The following CLEC2D variants were observed in gnomAD, a reference collection of about 807,000 sequenced individuals.
CLEC2D encodes the protein C-type lectin related f.
CLEC2D carries 16 observed loss-of-function variants against 20.0 expected under a neutral mutation model. That is an observed-to-expected ratio of 0.80 (90% CI 0.54 to 1.22). The LOEUF is 1.22. Among genes scored for constraint, CLEC2D ranks in the 50% most tolerant of loss-of-function variants. The pLI is 0.00. For synonymous variants in CLEC2D, 77 were observed against 71.1 expected (o/e 1.08, Z -0.42); for missense variants, 207 against 221.5 (o/e 0.93, Z 0.42).
At chr12:9,671,118 A>C (rs1056851532) in intron 1 of CLEC2D, among the ~76,000 whole-genome samples, 2 of 152,108 alleles carry the variant, frequency 1.3e-5, no homozygotes, top group Non-Finnish European at 2.9e-5. Flanking sequence ...CTGCATCTTT[A>C]AGCTCATGTG....
chr12:9,673,128 TGGA>T (rs924162178), intron 1 of CLEC2D, among the ~76,000 whole-genome samples: 4 of 152,246 alleles, frequency 2.6e-5, no homozygotes, highest in Admixed American at 2.0e-4. Context: ...TGCGATCATT[TGGA>T]GGAGAAGAGG....
chr12:9,695,248 A>T lies in CLEC2D; in HGVS notation c.*374A>T. 1.6e-6 allele frequency: 1 copy of T among 639,338 alleles called. No homozygotes were observed. The highest frequency in any genetic ancestry group is 4.3e-4 in the Middle Eastern group (1 of 2,350). 39.6% of individuals were successfully genotyped at this position (639,338 alleles called of 1,614,324 possible). Reference sequence around the variant, plus strand: ...CTTGTGCACAGGAACTCCTATTTATACAACCATCAGATATCTTGAGACAAG... The same window carrying T: ...CTTGTGCACAGGAACTCCTATTTATTCAACCATCAGATATCTTGAGACAAG... On this transcript the variant is annotated 3_prime_UTR_variant, in exon 5 of 5. Transcript: ENST00000290855.
intron 2 of CLEC2D, among the ~76,000 whole-genome samples, chr12:9,682,820 A>T (rs1197774073): frequency 6.6e-6 from 1 of 152,242 alleles, no homozygotes; most frequent in Non-Finnish European, 1.5e-5. Flanking sequence ...ATAGTGCCAC[A>T]ATAAACATAC....
chr12:9,674,269 T>C (rs1398210388), intron 1 of CLEC2D: 1 of 152,224 alleles, frequency 6.6e-6, no homozygotes, highest in East Asian at 1.9e-4. Context: ...TCTTCTGATC[T>C]GCAGATTGCA....
At chr12:9,673,235 T>C (rs1280874874) in intron 1 of CLEC2D, among the ~76,000 whole-genome samples, 1 of 152,238 alleles carries the variant, frequency 6.6e-6, no homozygotes, top group Non-Finnish European at 1.5e-5. Flanking sequence ...TGATGACCTT[T>C]GAATGGGGTT....
rs753515817 is a variant in CLEC2D at position 9,670,222 on chromosome 12, T to C, written c.61+427T>C. Among the ~76,000 whole-genome samples the C allele has an allele frequency of 5.9e-5, 9 of 152,156 alleles. No individual in the cohort carries two copies. The South Asian group carries it at 1.9e-3, about 32-fold the overall frequency. On this transcript the variant is annotated intron_variant, in intron 1 of 4. Transcript: ENST00000290855. ...TTACAAATCAAAAAAGTAACAAAGG[T>C]TGAGTAGAAACTTAGTAGGGCATTC... is the stretch of plus-strand genomic sequence containing the variant.
chr12:9,683,322 G>GTTTTTTTTTTTTTTTTTTTTTT lies in CLEC2D; in HGVS notation c.172+2295_172+2296insTTTTTTTTTTTTTTTTTTTTTT, dbSNP rs1226655704. On this transcript the variant is annotated intron_variant, in intron 2 of 4. Transcript: ENST00000290855. ...TGCCTGTTCACTCTGATGATAGTTT[G>GTTTTTTTTTTTTTTTTTTTTTT]TTTTTTGTGTTTGTTTTTTTTTTTT... Among the ~76,000 whole-genome samples the GTTTTTTTTTTTTTTTTTTTTTT allele has an allele frequency of 7.4e-5, 6 of 80,880 alleles. 2 individuals are homozygous for GTTTTTTTTTTTTTTTTTTTTTT. Among genetic ancestry groups the GTTTTTTTTTTTTTTTTTTTTTT allele is most frequent in the African/African-American group, 1.9e-4 (3 of 16,130 alleles). The allele number at this position is 80,880 out of a possible 152,430, so 53.1% of individuals were successfully genotyped here.
intron 2 of CLEC2D, among the ~76,000 whole-genome samples, chr12:9,686,626 C>T (rs918324351): frequency 2.0e-5 from 3 of 152,102 alleles, no homozygotes; most frequent in Non-Finnish European, 4.4e-5. Context: ...GCATTCTGGT[C>T]TATCATAGAC....
chr12:9,683,888 T>G (rs907674022), intron 2 of CLEC2D, among the ~76,000 whole-genome samples: 5 of 150,078 alleles, frequency 3.3e-5, no homozygotes, highest in Non-Finnish European at 7.4e-5. Context: ...AATTTAAAGT[T>G]TTTTTTTTTT....
At chr12:9,677,460 A>G (rs1481282048) in intron 1 of CLEC2D, among the ~76,000 whole-genome samples, 1 of 151,996 alleles carries the variant, frequency 6.6e-6, no homozygotes, top group African/African-American at 2.4e-5. Context: ...ACTCTAGTTT[A>G]TTTACATTGT....
chr12:9,695,841 ACT>A lies in CLEC2D; in HGVS notation c.*968_*969del, dbSNP rs1865974084. ...CTGGAGGTGGGCAGAAAAAAGTAAA[ACT>A]TGCTGCTGCTGCTGATGATGATGAT... is the stretch of plus-strand genomic sequence containing the variant. On this transcript the variant is annotated 3_prime_UTR_variant, in exon 5 of 5. Transcript: ENST00000290855. 6.6e-6 allele frequency: 6 copies of A among 915,928 alleles called. No individual in the cohort carries two copies. Among genetic ancestry groups the A allele is most frequent in the Non-Finnish European group, 1.0e-5 (6 of 582,888 alleles). 56.7% of individuals were successfully genotyped at this position (915,928 alleles called of 1,614,324 possible). A position where few individuals can be genotyped will look rare whatever the true frequency, so the allele number is the denominator to read the frequency against.
At chr12:9,682,490 G>A (rs1013540138) in intron 2 of CLEC2D, among the ~76,000 whole-genome samples, 3 of 152,016 alleles carry the variant, frequency 2.0e-5, no homozygotes, top group Non-Finnish European at 2.9e-5. Context: ...TCTATATTAG[G>A]TATTTCTCCT....
chr12:9,691,137 A>G (rs10844472), intron 3 of CLEC2D, among the ~76,000 whole-genome samples: 51,810 of 152,058 alleles, frequency 0.34, 10,554 homozygotes, highest in East Asian at 0.58. Flanking sequence ...TTTTTGTCAA[A>G]CAAAATAAAC....
intron 2 of CLEC2D, among the ~76,000 whole-genome samples, chr12:9,681,624 G>A (rs963982426): frequency 1.2e-4 from 19 of 152,002 alleles, no homozygotes; most frequent in Non-Finnish European, 1.9e-4. Context: ...TAGACCAAGC[G>A]AAGACATAGA....
rs113984458 is a variant in CLEC2D, at chr12:9,696,352, G to A, written c.*1478G>A. On this transcript the variant is annotated 3_prime_UTR_variant, in exon 5 of 5. Coordinates refer to ENST00000290855, the MANE Select transcript of CLEC2D (RefSeq NM_013269.6). ...ACTTTCCCTACCATGTTTGATAAAT[G>A]TTGTCCAGGTTCTATTGCCAAGAAT... is the stretch of plus-strand genomic sequence containing the variant. 28 of 528,902 alleles carry A rather than the reference G, an allele frequency of 5.3e-5. No individual in the cohort carries two copies. The highest frequency in any genetic ancestry group is 1.0e-3 in the Middle Eastern group (2 of 1,910). The allele number at this position is 528,902 out of a possible 1,614,324, so 32.8% of individuals were successfully genotyped here. A position where few individuals can be genotyped will look rare whatever the true frequency, so the allele number is the denominator to read the frequency against.
At chr12:9,670,770 G>A (rs1289256921) in intron 1 of CLEC2D, among the ~76,000 whole-genome samples, 1 of 152,188 alleles carries the variant, frequency 6.6e-6, no homozygotes, top group Non-Finnish European at 1.5e-5. Flanking sequence ...TGTGGGATCT[G>A]GTTCCAATGT....
chr12:9,670,293 A>G (rs190093442), intron 1 of CLEC2D, among the ~76,000 whole-genome samples: 4 of 152,282 alleles, frequency 2.6e-5, no homozygotes, highest in African/African-American at 7.2e-5. Context: ...ATATATATAT[A>G]TAGCTTTATA....
At chr12:9,672,718 C>T (rs1444797751) in intron 1 of CLEC2D, among the ~76,000 whole-genome samples, 1 of 152,112 alleles carries the variant, frequency 6.6e-6, no homozygotes, top group Non-Finnish European at 1.5e-5. Flanking sequence ...TAGGTTCGGT[C>T]TTTTTACATA....
intron 4 of CLEC2D, chr12:9,693,738 C>G (rs912856890): frequency 2.5e-6 from 1 of 405,680 alleles, no homozygotes; most frequent in African/African-American, 2.1e-5. Flanking sequence ...CTAGAATTAA[C>G]TTTTATTTCT....
Sources: gnomAD v4.1 joint callset for allele counts (sites outside exome capture counted in the v4.1 genomes callset) on GRCh38, gnomAD v4.1.1 for gene constraint, MANE v1.5 for transcripts, NCBI Gene and HGNC (gene_info 2026-07-23, HGNC 2026-07-21) for gene names.